The following LRRC8B variants were observed in gnomAD, a reference collection of about 807,000 sequenced individuals.
LRRC8B encodes volume-regulated anion channel subunit LRRC8B.
Under a neutral mutation model 58.8 loss-of-function variants are expected in LRRC8B, and 23 were observed. That is an observed-to-expected ratio of 0.39 (90% CI 0.28 to 0.55). LRRC8B has a LOEUF of 0.55. Ranked by LOEUF, LRRC8B falls within the 20% of genes least tolerant of loss-of-function variation. The pLI, the probability that LRRC8B is intolerant of heterozygous loss-of-function variation, is 0.62. For synonymous variants in LRRC8B, 359 were observed against 374.1 expected, an observed-to-expected ratio of 0.96 and a Z score of 0.47; for missense variants, 694 against 936.0, an observed-to-expected ratio of 0.74 and a Z score of 3.37.
chr1:89,560,444 G>C (rs1211560345), intron 1 of LRRC8B, among the ~76,000 whole-genome samples: 1 of 150,414 alleles, frequency 6.6e-6, no homozygotes, highest in Non-Finnish European at 1.5e-5. Flanking sequence ...GTGCAGGTTA[G>C]TTACATATGT....
At chr1:89,529,456 C>T (rs1649946488) in intron 1 of LRRC8B, among the ~76,000 whole-genome samples, 1 of 151,238 alleles carries the variant, frequency 6.6e-6, no homozygotes, top group Non-Finnish European at 1.5e-5. Flanking sequence ...GGACACAAAT[C>T]CTCCCTCAGT....
At chr1:89,553,774 GT>G (rs1293911428) in intron 1 of LRRC8B, among the ~76,000 whole-genome samples, 1 of 152,102 alleles carries the variant, frequency 6.6e-6, no homozygotes, top group Non-Finnish European at 1.5e-5. Flanking sequence ...GTCCATTTAT[GT>G]TTTATTTCTC....
intron 1 of LRRC8B, among the ~76,000 whole-genome samples, chr1:89,553,069 CTA>C: frequency 6.6e-6 from 1 of 152,246 alleles, no homozygotes; most frequent in Middle Eastern, 3.4e-3. Flanking sequence ...TGAGAGAAGA[CTA>C]TTGTTTCAAA....
chr1:89,576,131 T>A (rs1653830239), intron 3 of LRRC8B, among the ~76,000 whole-genome samples: 1 of 152,206 alleles, frequency 6.6e-6, no homozygotes. Context: ...TTTCAGCTGC[T>A]CCCTTTGTTT....
rs751051440 is a variant in LRRC8B at position 89,583,384 on chromosome 1, G to A, written c.734G>A (p.Arg245His). The A allele has an allele frequency of 3.7e-6, 6 of 1,614,098 alleles. No individual in the cohort carries two copies. Among genetic ancestry groups the A allele is most frequent in the South Asian group, 1.1e-5 (1 of 91,076 alleles). Reference sequence around the variant, plus strand: ...ATCTTTGAAAAAGTGAAAAGATTCCGCATGCATGTGGAGCAGAAGGACATC... The same window carrying A: ...ATCTTTGAAAAAGTGAAAAGATTCCACATGCATGTGGAGCAGAAGGACATC... Reference protein sequence around the residue: ...KAIFEKVKRFRMHVEQKDIIY... With the variant: ...KAIFEKVKRFHMHVEQKDIIY... Residue 245 changes from arginine (R) to histidine (H), a missense_variant, in exon 5 of 6, where the codon CGC (arginine) becomes CAC (histidine). Arg to His is a conservative substitution (Grantham distance 29, BLOSUM62 0). Around this residue, in one of 5 missense-constraint regions of LRRC8B, gnomAD observed 316 missense variants for 403.8 expected, o/e 0.78. Coordinates refer to ENST00000330947, the MANE Select transcript of LRRC8B (RefSeq NM_001369817.2). The surrounding 1 kb of genome is among the most constrained non-coding windows in gnomAD (Gnocchi z 5.2).
chr1:89,532,003 C>T (rs1463189812), intron 1 of LRRC8B, among the ~76,000 whole-genome samples: 1 of 152,080 alleles, frequency 6.6e-6, no homozygotes, highest in African/African-American at 2.4e-5. Context: ...TGGGTATTTG[C>T]AGTTCCTCCC....
At position 89,583,077 on chromosome 1, in the gene LRRC8B, C is replaced by G; in HGVS notation, c.427C>G (p.Pro143Ala). 1 of 1,614,166 alleles carries G rather than the reference C, an allele frequency of 6.2e-7. No individual in the cohort carries two copies. Among genetic ancestry groups the G allele is most frequent in the South Asian group, 1.1e-5 (1 of 91,088 alleles). ...CTGCAGCAACTTTTGGCTTCACTACCCCAGTACCAGTTCCAGGCTCGAGCA... is the reference window on the plus strand; with the variant it reads ...CTGCAGCAACTTTTGGCTTCACTACGCCAGTACCAGTTCCAGGCTCGAGCA... Reference protein sequence around the residue: ...AACSNFWLHYPSTSSRLEHFV... With the variant: ...AACSNFWLHYASTSSRLEHFV... Residue 143 changes from proline (P) to alanine (A), a missense_variant, in exon 5 of 6, where the codon CCC (proline) becomes GCC (alanine). Physicochemically the swap from Pro to Ala is conservative, Grantham distance 27. This residue lies in a region of LRRC8B where 316 missense variants were observed against 403.8 expected (regional missense o/e 0.78). Transcript: ENST00000330947. This position sits in a 1 kb window ranked among gnomAD's most constrained non-coding sequence, Gnocchi z 5.2.
chr1:89,526,430 G>A (rs1468572143), intron 1 of LRRC8B, among the ~76,000 whole-genome samples: 1 of 152,168 alleles, frequency 6.6e-6, no homozygotes, highest in African/African-American at 2.4e-5. Context: ...GGCCAGGCTG[G>A]TCTGAAACTC....
intron 1 of LRRC8B, among the ~76,000 whole-genome samples, chr1:89,533,930 A>G (rs971696833): frequency 6.6e-5 from 10 of 152,238 alleles, no homozygotes; most frequent in African/African-American, 2.4e-4. Context: ...GATAGGTATC[A>G]GTTGAATAGC....
intron 3 of LRRC8B, among the ~76,000 whole-genome samples, chr1:89,572,210 G>A (rs976385837): frequency 2.6e-5 from 4 of 152,084 alleles, no homozygotes; most frequent in African/African-American, 9.7e-5. Context: ...TGAGAGGTTC[G>A]CTATTAGTCT....
intron 1 of LRRC8B, among the ~76,000 whole-genome samples, chr1:89,543,734 G>A (rs985694199): frequency 6.6e-6 from 1 of 151,438 alleles, no homozygotes; most frequent in African/African-American, 2.4e-5. Flanking sequence ...GACCTCAGAT[G>A]ATCCACCCAC....
At chr1:89,529,451 C>T (rs7414956) in intron 1 of LRRC8B, among the ~76,000 whole-genome samples, 35,042 of 152,064 alleles carry the variant, frequency 0.23, 4,519 homozygotes, top group Admixed American at 0.34. Context: ...GATCTGGACA[C>T]AAATCCTCCC....
chr1:89,568,665 T>C (rs930182368), intron 3 of LRRC8B, among the ~76,000 whole-genome samples, 172 bp downstream of exon 3: 2 of 152,258 alleles, frequency 1.3e-5, no homozygotes, highest in African/African-American at 4.8e-5. Flanking sequence ...AACAGAAAAT[T>C]ACATCTGTAT....
intron 1 of LRRC8B, among the ~76,000 whole-genome samples, chr1:89,527,548 G>T (rs1052471871): frequency 6.6e-6 from 1 of 152,196 alleles, no homozygotes; most frequent in Non-Finnish European, 1.5e-5. Flanking sequence ...CAGTTATAGT[G>T]TAGAATTTAT....
chr1:89,551,295 A>G (rs1259703827), intron 1 of LRRC8B, among the ~76,000 whole-genome samples: 1 of 152,214 alleles, frequency 6.6e-6, no homozygotes, highest in Admixed American at 6.5e-5. Flanking sequence ...GGTGTCAGTT[A>G]TAGGATCAAG....
rs141265351 is a variant in LRRC8B at position 89,565,809 on chromosome 1, TA to T, written c.-240-2436del. Among the ~76,000 whole-genome samples, 137 of 152,318 alleles carry T rather than the reference TA, an allele frequency of 9.0e-4. 1 individual carries two copies. Among genetic ancestry groups the T allele is most frequent in the African/African-American group, 3.3e-3 (136 of 41,570 alleles). On this transcript the variant is annotated intron_variant, in intron 1 of 5. Coordinates refer to ENST00000330947, the MANE Select transcript of LRRC8B (RefSeq NM_001369817.2). ...CGATCACTCTGAGCTCTGGGCAGGC[TA>T]AGGATTTGATGCCACTTCACACTGG...
At chr1:89,560,360 C>T (rs1027193959) in intron 1 of LRRC8B, among the ~76,000 whole-genome samples, 6 of 151,616 alleles carry the variant, frequency 4.0e-5, no homozygotes, top group Non-Finnish European at 5.9e-5. Context: ...ATATATAAGG[C>T]TTTAATATAT....
chr1:89,597,294 A>C lies in LRRC8B; in HGVS notation c.*4251A>C, dbSNP rs191797492. 3 of 152,342 alleles carry C rather than the reference A, an allele frequency of 2.0e-5. No individual in the cohort carries two copies. The highest frequency in any genetic ancestry group is 2.0e-4 in the Admixed American group (3 of 15,304). The allele number at this position is 152,342 out of a possible 1,614,324, so 9.4% of individuals were successfully genotyped here. ...AATAATGAGCCAAAGTACTGAGTCG[A>C]GATGGCTTTCAGTTGAGTTTAATTT... On this transcript the variant is annotated 3_prime_UTR_variant, in exon 6 of 6. Coordinates refer to ENST00000330947, the MANE Select transcript of LRRC8B (RefSeq NM_001369817.2).
intron 1 of LRRC8B, among the ~76,000 whole-genome samples, chr1:89,543,492 A>G (rs935662372): frequency 1.3e-5 from 2 of 151,968 alleles, no homozygotes; most frequent in Non-Finnish European, 2.9e-5. Context: ...TAAGTTTTGA[A>G]AAACTGATTT....
Sources: allele counts gnomAD v4.1 joint callset (sites outside exome capture counted in the v4.1 genomes callset), GRCh38; gene constraint gnomAD v4.1.1; regional missense constraint gnomAD v4.1.1; non-coding constraint Gnocchi (gnomAD v3.1); transcripts MANE v1.5; gene names NCBI Gene and HGNC (gene_info 2026-07-23, HGNC 2026-07-21).